Variants in SLC48A1 observed in about 807,000 individuals in gnomAD.
SLC48A1 encodes solute carrier family 48 member 1.
SLC48A1 carries 6 observed loss-of-function variants against 14.8 expected under a neutral mutation model. The observed-to-expected ratio is 0.41, with a 90% CI of 0.22 to 0.80. The LOEUF (loss-of-function observed/expected upper bound fraction) is 0.80. SLC48A1 is among the 30% of genes least tolerant of loss of function. The pLI is 0.34. For synonymous variants in SLC48A1, 89 were observed against 90.0 expected (o/e 0.99, Z 0.06); for missense variants, 165 against 204.8 (o/e 0.81, Z 1.19).
chr12:47,759,992 A>G (rs1170609448), intron 1 of SLC48A1, among the ~76,000 whole-genome samples: 4 of 152,180 alleles, frequency 2.6e-5, no homozygotes, highest in Admixed American at 2.0e-4. Flanking sequence ...TAAGAAGCCT[A>G]TACTCCCAAT....
intron 1 of SLC48A1, among the ~76,000 whole-genome samples, chr12:47,773,702 GCCGC>G (rs1434423058): frequency 1.3e-5 from 2 of 152,162 alleles, no homozygotes. Flanking sequence ...GACCTGCCGC[GCCGC>G]CCGGGTTATC....
Position 47,781,440 on chromosome 12 carries a change from A to G in SLC48A1, c.*1159A>G, listed in dbSNP as rs1049537010. On this transcript the variant is annotated 3_prime_UTR_variant, in exon 3 of 3. Coordinates refer to ENST00000442218, the MANE Select transcript of SLC48A1 (RefSeq NM_017842.3). The stretch of plus-strand genomic sequence containing the variant: ...TCACTGCCCTTCAACTAGAGCTTTC[A>G]CCTTTTTACATTTCCCTTCTGAAGG... 8 of 153,538 alleles carry G rather than the reference A, an allele frequency of 5.2e-5. No homozygotes were observed. Among genetic ancestry groups the G allele is most frequent in the Admixed American group, 4.5e-4 (7 of 15,544 alleles). 9.5% of individuals were successfully genotyped at this position (153,538 alleles called of 1,614,324 possible).
intron 2 of SLC48A1, among the ~76,000 whole-genome samples, 177 bp from the exon 3 acceptor site, chr12:47,779,968 A>G (rs1305236693): frequency 6.6e-6 from 1 of 152,204 alleles, no homozygotes; most frequent in East Asian, 1.9e-4. Flanking sequence ...CCTGGTGCCA[A>G]AAAGGTTGGG....
intron 1 of SLC48A1, chr12:47,758,946 T>G: frequency 2.9e-6 from 3 of 1,017,978 alleles, no homozygotes; most frequent in Non-Finnish European, 2.3e-6. Flanking sequence ...TCCCCAGGAC[T>G]GGCGGAGGGG....
chr12:47,779,209 C>T lies in SLC48A1; in HGVS notation c.304+14C>T. The T allele has an allele frequency of 6.5e-7, 1 of 1,547,220 alleles. No individual in the cohort carries two copies. The highest frequency in any genetic ancestry group is 8.7e-7 in the Non-Finnish European group (1 of 1,144,272). ...CCCGGCATCAGAGTGAGGGCGGGTC[C>T]CAGGGAAAGAGGGCATGGGAGGGAC... On this transcript the variant is annotated intron_variant, in intron 2 of 2. Transcript: ENST00000442218.
chr12:47,757,978 G>C, upstream of SLC48A1: 3 of 1,566,846 alleles, frequency 1.9e-6, no homozygotes, highest in Non-Finnish European at 2.6e-6. Flanking sequence ...TGTCCCCTCC[G>C]GCACCACGTC....
chr12:47,779,740 A>C (rs1287919664), intron 2 of SLC48A1, among the ~76,000 whole-genome samples: 3 of 152,190 alleles, frequency 2.0e-5, no homozygotes, highest in Non-Finnish European at 4.4e-5. Context: ...GTTAGGAACC[A>C]GGCCACACAG....
intron 2 of SLC48A1, among the ~76,000 whole-genome samples, chr12:47,779,457 T>C (rs141967221): frequency 2.7e-3 from 407 of 152,312 alleles, no homozygotes; most frequent in Middle Eastern, 6.8e-3. Context: ...CATTAGTCTG[T>C]GCTCAGCTCT....
chr12:47,780,113 C>A (rs1211753407), intron 2 of SLC48A1, 32 bp from the exon 3 acceptor site: 4 of 1,517,834 alleles, frequency 2.6e-6, no homozygotes, highest in Non-Finnish European at 3.5e-6. Flanking sequence ...CAGGGCCTGC[C>A]AAAGTCACTG....
intron 2 of SLC48A1, among the ~76,000 whole-genome samples, chr12:47,765,204 A>G (rs1252888527): frequency 6.6e-6 from 1 of 151,302 alleles, no homozygotes; most frequent in Non-Finnish European, 1.5e-5. Context: ...ATCCAGAGAG[A>G]GAAACAGAAA....
upstream of SLC48A1, chr12:47,757,994 G>A (rs1468785445): frequency 1.3e-6 from 2 of 1,573,146 alleles, no homozygotes; most frequent in African/African-American, 1.3e-5. Flanking sequence ...ACGTCAGGGA[G>A]GGCTCCCACC....
At chr12:47,768,197 G>A (rs935985526), upstream of SLC48A1, among the ~76,000 whole-genome samples, 2 of 152,090 alleles carry the variant, frequency 1.3e-5, no homozygotes, top group Admixed American at 6.6e-5. Flanking sequence ...GGCTGGCCTC[G>A]AACTCCTGAC....
intron 1 of SLC48A1, 41 bp downstream of exon 1, chr12:47,773,481 T>G: frequency 7.7e-7 from 1 of 1,290,452 alleles, no homozygotes; most frequent in Non-Finnish European, 9.9e-7. Context: ...GGTGCGCGGC[T>G]GCGGGGCGGG....
At chr12:47,757,259 C>T (rs986306508), upstream of SLC48A1, among the ~76,000 whole-genome samples, 1 of 152,094 alleles carries the variant, frequency 6.6e-6, no homozygotes, top group South Asian at 2.1e-4. Context: ...CCATTCTTTC[C>T]CCTCCCTGCT....
chr12:47,762,723 G>A (rs1160508180), intron 2 of SLC48A1, among the ~76,000 whole-genome samples: 3 of 152,200 alleles, frequency 2.0e-5, no homozygotes, highest in African/African-American at 4.8e-5. Flanking sequence ...AAGTAGTACA[G>A]CCAGACTCAG....
At chr12:47,760,287 C>T (rs1942337585) in exon 2 of SLC48A1, 3 of 985,300 alleles carry the variant, frequency 3.0e-6, no homozygotes, top group Non-Finnish European at 3.6e-6. Context: ...AGGAGGAAAG[C>T]CTGAGAATGA....
At chr12:47,779,219 A>G in intron 2 of SLC48A1, 24 bp downstream of exon 2, 1 of 1,540,778 alleles carries the variant, frequency 6.5e-7, no homozygotes. Context: ...CCAGGGAAAG[A>G]GGGCATGGGA....
At chr12:47,766,363 C>T (rs1942515072) in intron 2 of SLC48A1, among the ~76,000 whole-genome samples, 1 of 152,160 alleles carries the variant, frequency 6.6e-6, no homozygotes, top group African/African-American at 2.4e-5. Context: ...GCAACCTGCC[C>T]TTCTCCTGCC....
chr12:47,776,563 G>A (rs560983551), intron 1 of SLC48A1, among the ~76,000 whole-genome samples: 123 of 152,338 alleles, frequency 8.1e-4, no homozygotes, highest in South Asian at 2.5e-3. Flanking sequence ...GAGCCAGGGC[G>A]TGGGCAGCAG....
Sources: gnomAD v4.1 joint callset for allele counts (sites outside exome capture counted in the v4.1 genomes callset) on GRCh38, gnomAD v4.1.1 for gene constraint, MANE v1.5 for transcripts, NCBI Gene and HGNC (gene_info 2026-07-23, HGNC 2026-07-21) for gene names.